DLGAP2: variants seen among roughly 807,000 people sequenced by gnomAD.
DLGAP2 encodes disks large-associated protein 2.
DLGAP2 carries 26 observed loss-of-function variants against 100.3 expected under a neutral mutation model. The observed-to-expected ratio is 0.26, with a 90% CI of 0.19 to 0.36. The LOEUF (loss-of-function observed/expected upper bound fraction) is 0.36. Ranked by LOEUF, DLGAP2 falls within the 10% of genes least tolerant of loss-of-function variation. The pLI is 1.00. For missense variants in DLGAP2, 1,858 were observed against 1,453.2 expected, an observed-to-expected ratio of 1.28 and a Z score of -4.53; for synonymous variants, 886 against 630.1, an observed-to-expected ratio of 1.41 and a Z score of -6.08.
rs574835998 is a variant in DLGAP2 at position 1,498,187 on chromosome 8, TA to T, written c.107-3177del. 7.9e-3 allele frequency among the ~76,000 whole-genome samples: 1,197 copies of T among 152,210 alleles called. 11 individuals are homozygous for T. Among genetic ancestry groups the T allele is most frequent in the African/African-American group, 0.028 (1,160 of 41,532 alleles). On this transcript the variant is annotated intron_variant, in intron 3 of 14. Transcript: ENST00000637795. ...ATAGAAAGCGATGTCTGGGTGAAGA[TA>T]AGGGGTTGTGGAGATGCAGTTCCCA...
At chr8:875,313 T>C (rs1797669686) in intron 1 of DLGAP2, among the ~76,000 whole-genome samples, 1 of 152,218 alleles carries the variant, frequency 6.6e-6, no homozygotes, top group African/African-American at 2.4e-5. Flanking sequence ...GTCTCTGATA[T>C]GGTTTGACTG....
At chr8:902,181 C>T (rs1326906316) in intron 1 of DLGAP2, among the ~76,000 whole-genome samples, 1 of 152,192 alleles carries the variant, frequency 6.6e-6, no homozygotes, top group East Asian at 1.9e-4. Flanking sequence ...CAAGCCCGGC[C>T]GCTCCCCTCC....
At chr8:1,212,598 G>T (rs975497550) in intron 2 of DLGAP2, among the ~76,000 whole-genome samples, 1 of 151,954 alleles carries the variant, frequency 6.6e-6, no homozygotes, top group African/African-American at 2.4e-5. Context: ...AGAATGAGGA[G>T]GCAGACGTGG....
At position 1,051,054 on chromosome 8, in the gene DLGAP2, G is replaced by A. The variant is rs139098690; in HGVS notation, c.73+143088G>A. 9.3e-4 allele frequency among the ~76,000 whole-genome samples: 138 copies of A among 148,500 alleles called. 2 individuals are homozygous for A. The highest frequency in any genetic ancestry group is 3.5e-3 in the Middle Eastern group (1 of 286). On this transcript the variant is annotated intron_variant, in intron 2 of 14. Transcript: ENST00000637795. Reference sequence around the variant, plus strand: ...GGGTCATTTTGTGGTGGGTCATTTCGTGGGTGGGGGTCATTTTGTGGTGGG... The same window carrying A: ...GGGTCATTTTGTGGTGGGTCATTTCATGGGTGGGGGTCATTTTGTGGTGGG...
chr8:1,089,319 C>T (rs962284351), intron 2 of DLGAP2, among the ~76,000 whole-genome samples: 7 of 152,232 alleles, frequency 4.6e-5, no homozygotes, highest in Non-Finnish European at 1.0e-4. Context: ...CTGAGTGGCA[C>T]CACAATATGA....
intron 4 of DLGAP2, among the ~76,000 whole-genome samples, chr8:1,544,868 G>A (rs548418695): frequency 6.6e-5 from 10 of 152,030 alleles, no homozygotes; most frequent in South Asian, 2.1e-4. Flanking sequence ...GAGTAGCTGC[G>A]ATTACAGGCA....
At chr8:1,338,754 G>A (rs13256102) in intron 3 of DLGAP2, among the ~76,000 whole-genome samples, 106,003 of 133,608 alleles carry the variant, frequency 0.79, 42,609 homozygotes, top group African/African-American at 0.92. Flanking sequence ...GCAGGATGAG[G>A]TACGCACCCT....
intron 6 of DLGAP2, chr8:1,620,636 C>T (rs979339401): frequency 1.4e-4 from 21 of 152,248 alleles, no homozygotes; most frequent in African/African-American, 5.1e-4. Context: ...ACCTCTAACA[C>T]ATTCCTCATT....
At chr8:1,096,602 C>T (rs1804377497) in intron 2 of DLGAP2, among the ~76,000 whole-genome samples, 1 of 151,840 alleles carries the variant, frequency 6.6e-6, no homozygotes, top group Admixed American at 6.5e-5. Flanking sequence ...CCCTCTGTGG[C>T]ATAGAGAGGA....
intron 3 of DLGAP2, among the ~76,000 whole-genome samples, chr8:1,306,739 C>T (rs576275220): frequency 6.6e-6 from 1 of 152,234 alleles, no homozygotes; most frequent in Non-Finnish European, 1.5e-5. Flanking sequence ...CAGAAATAAA[C>T]CCTGGTGTAT....
At chr8:1,170,434 A>T (rs1011953459) in intron 2 of DLGAP2, among the ~76,000 whole-genome samples, 14 of 152,052 alleles carry the variant, frequency 9.2e-5, no homozygotes, top group Non-Finnish European at 1.8e-4. Flanking sequence ...TTTTCTGTTG[A>T]TTGGAATAGT....
intron 2 of DLGAP2, among the ~76,000 whole-genome samples, chr8:1,070,975 C>G (rs1803410078): frequency 1.3e-5 from 2 of 152,170 alleles, no homozygotes; most frequent in Admixed American, 6.5e-5. Flanking sequence ...GGCTGCTTTT[C>G]CAAATCAGAA....
intron 6 of DLGAP2, among the ~76,000 whole-genome samples, chr8:1,566,654 A>T (rs1802414656): frequency 6.6e-6 from 1 of 152,164 alleles, no homozygotes; most frequent in African/African-American, 2.4e-5. Flanking sequence ...GCCACATAAG[A>T]GTTATTAATT....
At chr8:1,582,620 C>T (rs929917928) in intron 6 of DLGAP2, among the ~76,000 whole-genome samples, 1 of 152,016 alleles carries the variant, frequency 6.6e-6, no homozygotes, top group African/African-American at 2.4e-5. Context: ...GATGGAGTCT[C>T]GCTCCGTCAC....
chr8:946,452 A>AC (rs1196893691), intron 2 of DLGAP2, among the ~76,000 whole-genome samples: 6 of 151,310 alleles, frequency 4.0e-5, no homozygotes, highest in Non-Finnish European at 5.9e-5. Context: ...TTTTGTAGAG[A>AC]CGGGGTTTCA....
intron 3 of DLGAP2, among the ~76,000 whole-genome samples, chr8:1,339,205 A>G (rs1801363021): frequency 6.7e-6 from 1 of 150,154 alleles, no homozygotes; most frequent in Non-Finnish European, 1.5e-5. Flanking sequence ...GAGGGAAGGC[A>G]GTGACCTCAG....
intron 1 of DLGAP2, among the ~76,000 whole-genome samples, chr8:823,784 G>A (rs924622899): frequency 2.6e-5 from 4 of 152,208 alleles, no homozygotes; most frequent in Admixed American, 2.6e-4. Flanking sequence ...TGTCAGAAGT[G>A]CAGGGAGGCC....
chr8:1,166,289 A>G (rs947462564), intron 2 of DLGAP2, among the ~76,000 whole-genome samples: 1 of 152,032 alleles, frequency 6.6e-6, no homozygotes, highest in African/African-American at 2.4e-5. Context: ...AAGATGCACC[A>G]CCCCGTGCTT....
chr8:1,039,563 T>C (rs552305024), intron 2 of DLGAP2, among the ~76,000 whole-genome samples: 11 of 115,878 alleles, frequency 9.5e-5, no homozygotes, highest in African/African-American at 3.9e-4. Context: ...CGTGGTCAGC[T>C]TGGTGTGCGT....
Sources: gnomAD v4.1 joint callset for allele counts (sites outside exome capture counted in the v4.1 genomes callset) on GRCh38, gnomAD v4.1.1 for gene constraint, MANE v1.5 for transcripts, NCBI Gene and HGNC (gene_info 2026-07-23, HGNC 2026-07-21) for gene names.